The following GABRA3 variants were observed in gnomAD, a reference collection of about 807,000 sequenced individuals.
GABRA3 encodes the protein gamma-aminobutyric acid type A receptor subunit alpha3, also known as gamma-aminobutyric acid receptor subunit alpha-3.
A neutral mutation model predicts 30.1 loss-of-function variants in GABRA3; 10 were observed. That is an observed-to-expected ratio of 0.33 (90% CI 0.20 to 0.56). The LOEUF (loss-of-function observed/expected upper bound fraction) is 0.56, where lower values mean the gene tolerates loss of function less well. Ranked by LOEUF, GABRA3 falls within the 20% of genes least tolerant of loss-of-function variation. The probability of loss-of-function intolerance (pLI) is 0.89; values close to 1 mark genes in which losing one functional copy is unlikely to be tolerated. For missense variants in GABRA3, 233 were observed against 392.0 expected (o/e 0.59, Z 3.42); for synonymous variants, 151 against 146.8 (o/e 1.03, Z -0.21).
chrX:152,326,390 G>A (rs1172847589), intron 3 of GABRA3, among the ~76,000 whole-genome samples: 1 of 110,956 alleles, frequency 9.0e-6, no homozygotes, highest in East Asian at 2.8e-4. Context: ...GCAACCCCAA[G>A]ACACATAATT....
chrX:152,207,093 T>C (rs746713124), intron 7 of GABRA3, among the ~76,000 whole-genome samples: 36 of 111,845 alleles, frequency 3.2e-4, no homozygotes, highest in African/African-American at 1.1e-3. Flanking sequence ...TGTTGATTTT[T>C]TTAGGCACCC....
At chrX:152,421,193 C>T (rs1267557934) in intron 1 of GABRA3, among the ~76,000 whole-genome samples, 7 of 109,918 alleles carry the variant, frequency 6.4e-5, no homozygotes, top group Non-Finnish European at 1.3e-4. Context: ...TAAGTCCTCA[C>T]CTTAATGTTG....
chrX:152,294,741 C>G (rs1939493762), intron 3 of GABRA3, among the ~76,000 whole-genome samples: 2 of 111,935 alleles, frequency 1.8e-5, no homozygotes, highest in South Asian at 3.7e-4. Flanking sequence ...CTTTTCTGCT[C>G]TGGTTTCTCC....
intron 7 of GABRA3, among the ~76,000 whole-genome samples, chrX:152,199,223 G>A (rs975225285): frequency 7.5e-5 from 8 of 106,952 alleles, no homozygotes; most frequent in African/African-American, 2.0e-4. Context: ...AATATTAGCC[G>A]GGTGTGGTGG....
rs1489933149 is a variant in GABRA3, at chrX:152,237,281, G to C, written c.552-12436C>G. Among the ~76,000 whole-genome samples, 401 of 109,766 alleles carry C rather than the reference G, an allele frequency of 3.7e-3. 2 individuals are homozygous for C. The highest frequency in any genetic ancestry group is 6.5e-3 in the Non-Finnish European group (344 of 52,654). ...CTTTCCCCATTTCTTGTTTTTCTCA[G>C]GTTTGTCAAAGATCAGATAGTTGTA... On this transcript the variant is annotated intron_variant, in intron 5 of 9. Transcript: ENST00000370314.
chrX:152,197,537 C>G, intron 8 of GABRA3, 96 bp downstream of exon 8: 1 of 804,279 alleles, frequency 1.2e-6, no homozygotes, highest in Admixed American at 3.3e-5. Flanking sequence ...AGGAATTTCT[C>G]CCATTCTCTC....
At chrX:152,326,544 G>A (rs5970276) in intron 3 of GABRA3, among the ~76,000 whole-genome samples, 4,156 of 111,386 alleles carry the variant, frequency 0.037, 162 homozygotes, top group African/African-American at 0.13. Context: ...AGTGGGGGCC[G>A]ATATTCAACA....
chrX:152,298,846 A>G (rs200882805), intron 3 of GABRA3, among the ~76,000 whole-genome samples: 18 of 112,020 alleles, frequency 1.6e-4, no homozygotes, highest in Middle Eastern at 4.6e-3. Flanking sequence ...CACCAACAGT[A>G]TAAAAGTGTT....
At chrX:152,193,659 G>A (rs1404818942) in intron 8 of GABRA3, among the ~76,000 whole-genome samples, 1 of 112,401 alleles carries the variant, frequency 8.9e-6, no homozygotes, top group Non-Finnish European at 1.9e-5. Flanking sequence ...AGATTTATGA[G>A]AGTTTCAGTC....
In GABRA3 at chrX:152,376,351, T is replaced by C. The variant is rs1425835828; in HGVS notation, c.-26-11755A>G. 2.7e-5 allele frequency among the ~76,000 whole-genome samples: 3 copies of C among 111,018 alleles called. No individual in the cohort carries two copies. The Admixed American group carries it at 2.9e-4, about 11-fold the overall frequency. ...TATGAATCCTAATCTCCGAGCCTGCTTGAGTGAAACCCAATTTAAGACATC... is the reference window on the plus strand; with the variant it reads ...TATGAATCCTAATCTCCGAGCCTGCCTGAGTGAAACCCAATTTAAGACATC... On this transcript the variant is annotated intron_variant, in intron 1 of 9. Coordinates refer to ENST00000370314, the MANE Select transcript of GABRA3 (RefSeq NM_000808.4).
chrX:152,396,577 C>T (rs1320256349), intron 1 of GABRA3, among the ~76,000 whole-genome samples: 1 of 112,018 alleles, frequency 8.9e-6, no homozygotes, highest in Non-Finnish European at 1.9e-5. Flanking sequence ...ACAGTGTGCT[C>T]ACAATCATCT....
At chrX:152,335,203 C>T (rs1391958069) in intron 3 of GABRA3, among the ~76,000 whole-genome samples, 13 of 111,411 alleles carry the variant, frequency 1.2e-4, no homozygotes, top group Non-Finnish European at 2.4e-4. Context: ...GGGCCACTGC[C>T]ATCACCCCTC....
At chrX:152,417,006 A>G (rs1331525182) in intron 1 of GABRA3, among the ~76,000 whole-genome samples, 1 of 103,941 alleles carries the variant, frequency 9.6e-6, no homozygotes, top group East Asian at 3.1e-4. Context: ...AATGGCAACA[A>G]AAGACAAAAT....
intron 5 of GABRA3, among the ~76,000 whole-genome samples, chrX:152,225,136 C>G (rs1024621908): frequency 4.6e-5 from 5 of 109,770 alleles, no homozygotes; most frequent in Admixed American, 9.9e-5. Context: ...AGACACCCCC[C>G]CCAAGAAGCC....
In GABRA3 at chrX:152,293,409, G is replaced by A. The variant is rs1939460882; in HGVS notation, c.263-8674C>T. Among the ~76,000 whole-genome samples, 7 of 110,798 alleles carry A rather than the reference G, an allele frequency of 6.3e-5. No individual in the cohort carries two copies. In the South Asian group the frequency reaches 2.7e-3, roughly 43 times the overall value. ...TTTTTGTTTTGTTTTCCACTTGCTT[G>A]TTAGATCTTTCTCCATCCCTTTATT... On this transcript the variant is annotated intron_variant, in intron 3 of 9. Coordinates refer to ENST00000370314, the MANE Select transcript of GABRA3 (RefSeq NM_000808.4).
chrX:152,430,605 A>G lies in GABRA3; in HGVS notation c.-27+20541T>C, dbSNP rs1308692305. ...AAGGAATAAAAGCCCCAAACTGACA[A>G]CATAAAAAGTGGTTCTGAACTAGGG... On this transcript the variant is annotated intron_variant, in intron 1 of 9. Coordinates refer to ENST00000370314, the MANE Select transcript of GABRA3 (RefSeq NM_000808.4). Among the ~76,000 whole-genome samples, 3 of 111,579 alleles carry G rather than the reference A, an allele frequency of 2.7e-5. No homozygotes were observed. In the Admixed American group the frequency reaches 2.9e-4, roughly 11 times the overall value.
intron 4 of GABRA3, among the ~76,000 whole-genome samples, chrX:152,272,136 C>T (rs1938953173): frequency 9.0e-6 from 1 of 111,556 alleles, no homozygotes; most frequent in Non-Finnish European, 1.9e-5. Context: ...CAGCATCCTG[C>T]AGACCCCAGA....
chrX:152,248,978 C>T (rs1819508389), intron 5 of GABRA3, among the ~76,000 whole-genome samples: 1 of 111,453 alleles, frequency 9.0e-6, no homozygotes, highest in Admixed American at 9.5e-5. Context: ...TCTGTAAAAA[C>T]AATAATGCTT....
chrX:152,405,687 G>C (rs995170221), intron 1 of GABRA3, among the ~76,000 whole-genome samples: 1 of 111,664 alleles, frequency 9.0e-6, no homozygotes, highest in African/African-American at 3.3e-5. Flanking sequence ...CCTGGCCCTA[G>C]CTCCTGGATG....
Sources: allele counts gnomAD v4.1 joint callset (sites outside exome capture counted in the v4.1 genomes callset), GRCh38; gene constraint gnomAD v4.1.1; transcripts MANE v1.5; gene names NCBI Gene and HGNC (gene_info 2026-07-23, HGNC 2026-07-21).